Variants in MEIKIN observed in about 807,000 individuals in gnomAD.
MEIKIN encodes the protein meiotic kinetochore factor.
At chr5:131,923,282 T>C (rs1448186096) in intron 5 of MEIKIN, among the ~76,000 whole-genome samples, 1 of 152,230 alleles carries the variant, frequency 6.6e-6, no homozygotes, top group Non-Finnish European at 1.5e-5. Flanking sequence ...GAATTTCTAA[T>C]GCTGTGCCTT....
At chr5:131,931,663 C>A (rs1249806554) in intron 5 of MEIKIN, among the ~76,000 whole-genome samples, 1 of 152,130 alleles carries the variant, frequency 6.6e-6, no homozygotes, top group African/African-American at 2.4e-5. Flanking sequence ...TTCCTACTGG[C>A]TTTGATGTGG....
intron 10 of MEIKIN, among the ~76,000 whole-genome samples, chr5:131,853,211 A>G (rs545096057): frequency 3.3e-5 from 5 of 152,234 alleles, no homozygotes; most frequent in Non-Finnish European, 7.3e-5. Flanking sequence ...CTACTGCACT[A>G]TAAAAGCTAA....
chr5:131,932,374 G>A (rs1751704698), intron 5 of MEIKIN, among the ~76,000 whole-genome samples: 1 of 152,226 alleles, frequency 6.6e-6, no homozygotes, highest in Non-Finnish European at 1.5e-5. Context: ...AGCTGGGGCA[G>A]CTCTCTGAAG....
intron 8 of MEIKIN, among the ~76,000 whole-genome samples, chr5:131,885,539 A>G (rs1170704836): frequency 6.6e-5 from 10 of 152,370 alleles, no homozygotes; most frequent in East Asian, 1.9e-4. Flanking sequence ...TGGTACCTCC[A>G]TAAGTCTGCA....
chr5:131,875,759 A>G (rs1207093513), intron 9 of MEIKIN, among the ~76,000 whole-genome samples: 1 of 152,258 alleles, frequency 6.6e-6, no homozygotes, highest in Non-Finnish European at 1.5e-5. Flanking sequence ...ACCAGGCTAC[A>G]GTAACCAAAA....
intron 8 of MEIKIN, among the ~76,000 whole-genome samples, chr5:131,890,782 C>T (rs574897143): frequency 1.3e-3 from 190 of 151,904 alleles, no homozygotes; most frequent in African/African-American, 4.3e-3. Flanking sequence ...TTGCTCTTGC[C>T]TCTCTAGTTC....
At chr5:131,812,786 C>T (rs1437605988) in intron 12 of MEIKIN, among the ~76,000 whole-genome samples, 4 of 152,214 alleles carry the variant, frequency 2.6e-5, no homozygotes, top group Admixed American at 6.5e-5. Context: ...CAGATAGAAA[C>T]GCTGCTTGGA....
intron 10 of MEIKIN, 85 bp from the exon 11 acceptor site, chr5:131,851,468 T>C (rs1446189811): frequency 2.5e-6 from 1 of 392,888 alleles, no homozygotes; most frequent in Non-Finnish European, 4.5e-6. Flanking sequence ...AGTTGAAAAA[T>C]ACCATCTCAT....
intron 10 of MEIKIN, among the ~76,000 whole-genome samples, chr5:131,854,364 C>A (rs956634918): frequency 5.3e-5 from 8 of 151,932 alleles, no homozygotes; most frequent in African/African-American, 1.9e-4. Flanking sequence ...CTGTTTAATG[C>A]ATATGGAATT....
At chr5:131,941,257 C>T (rs1278582228) in intron 4 of MEIKIN, among the ~76,000 whole-genome samples, 1 of 134,990 alleles carries the variant, frequency 7.4e-6, no homozygotes, top group Non-Finnish European at 1.5e-5. Context: ...CTCCCGGGTT[C>T]AAGCGATTCT....
intron 4 of MEIKIN, among the ~76,000 whole-genome samples, chr5:131,942,395 A>G (rs1395433411): frequency 1.3e-5 from 2 of 152,242 alleles, no homozygotes; most frequent in Non-Finnish European, 2.9e-5. Context: ...TTCTCTAGGT[A>G]AACTCAATCA....
intron 8 of MEIKIN, among the ~76,000 whole-genome samples, chr5:131,906,492 T>C (rs1022333243): frequency 4.3e-4 from 66 of 152,202 alleles, no homozygotes; most frequent in Non-Finnish European, 6.8e-4. Context: ...AACTACCATT[T>C]GACCCAGCAA....
intron 9 of MEIKIN, among the ~76,000 whole-genome samples, chr5:131,867,099 C>A (rs1750397259): frequency 6.6e-6 from 1 of 152,148 alleles, no homozygotes; most frequent in South Asian, 2.1e-4. Context: ...GGTCTTCAAC[C>A]CATTCTAATC....
Position 131,930,908 on chromosome 5 carries a change from T to C in MEIKIN, c.478+2605A>G, listed in dbSNP as rs146990278. ...TGTATTGTTCTCAACTTGTTGAGCA[T>C]CTTTTTAATGATTATTTTGAATTAG... On this transcript the variant is annotated intron_variant, in intron 5 of 12. Coordinates refer to ENST00000442687, the MANE Select transcript of MEIKIN (RefSeq NM_001303622.2). 3.2e-3 allele frequency among the ~76,000 whole-genome samples: 483 copies of C among 152,360 alleles called. 3 individuals are homozygous for C. The highest frequency in any genetic ancestry group is 0.011 in the African/African-American group (460 of 41,568).
At chr5:131,894,094 T>A (rs1421672640) in intron 8 of MEIKIN, among the ~76,000 whole-genome samples, 1 of 152,208 alleles carries the variant, frequency 6.6e-6, no homozygotes, top group Non-Finnish European at 1.5e-5. Context: ...AAGGAAGGGA[T>A]CCAGTTTCAG....
intron 11 of MEIKIN, among the ~76,000 whole-genome samples, chr5:131,829,784 T>C (rs1749681598): frequency 6.6e-6 from 1 of 152,050 alleles, no homozygotes; most frequent in Non-Finnish European, 1.5e-5. Context: ...GGGAAGTAGA[T>C]ATTGGAGTTA....
chr5:131,840,756 C>T (rs1447631545), intron 11 of MEIKIN, among the ~76,000 whole-genome samples: 23 of 152,162 alleles, frequency 1.5e-4, no homozygotes, highest in Admixed American at 3.3e-4. Context: ...TATCATTTTA[C>T]TGTGATACTT....
At position 131,877,422 on chromosome 5, in the gene MEIKIN, C is replaced by T. The variant is rs149418825; in HGVS notation, c.774+1556G>A. Among the ~76,000 whole-genome samples, 186 of 152,156 alleles carry T rather than the reference C, an allele frequency of 1.2e-3. 2 individuals carry two copies. The East Asian group carries it at 0.02, about 16-fold the overall frequency. On this transcript the variant is annotated intron_variant, in intron 9 of 12. Transcript: ENST00000442687. ...CTTTGGGAGGTTGAAGCGGGTGGAT[C>T]GCTTGAACCCAGGAGTTCAAGGCCA...
intron 9 of MEIKIN, chr5:131,878,758 C>A: frequency 3.0e-6 from 1 of 334,614 alleles, no homozygotes; most frequent in Non-Finnish European, 5.3e-6. Flanking sequence ...GCCTGTAGTT[C>A]CAGTTACTCA....
Sources: allele counts gnomAD v4.1 joint callset (sites outside exome capture counted in the v4.1 genomes callset), GRCh38; gene constraint gnomAD v4.1.1; transcripts MANE v1.5; gene names NCBI Gene and HGNC (gene_info 2026-07-23, HGNC 2026-07-21).